The following TDRD3 variants were observed in gnomAD, a reference collection of about 807,000 sequenced individuals.
TDRD3 encodes tudor domain containing 3.
A neutral mutation model predicts 86.7 loss-of-function variants in TDRD3; 45 were observed. That is an observed-to-expected ratio of 0.52 (90% CI 0.41 to 0.67). The LOEUF is 0.67. Ranked by LOEUF, TDRD3 falls within the 30% of genes least tolerant of loss-of-function variation. TDRD3 has a pLI of 0.00. For missense variants in TDRD3, 814 were observed against 889.0 expected, an observed-to-expected ratio of 0.92 and a Z score of 1.07; for synonymous variants, 298 against 301.7, an observed-to-expected ratio of 0.99 and a Z score of 0.13.
chr13:60,557,369 G>A lies in TDRD3; in HGVS notation c.2119-10156G>A, dbSNP rs148282590. Among the ~76,000 whole-genome samples the A allele has an allele frequency of 2.3e-3, 352 of 152,304 alleles. 1 individual carries two copies. Among genetic ancestry groups the A allele is most frequent in the African/African-American group, 8.1e-3 (336 of 41,566 alleles). On this transcript the variant is annotated intron_variant, in intron 12 of 13. Transcript: ENST00000377881. ...ACCATTTGTGTGAAACGCCATGGAT[G>A]AATTTTGTGCTAAAGGGAAGATCAG...
Position 60,481,935 on chromosome 13 carries a change from C to T in TDRD3, c.496-1840C>T, listed in dbSNP as rs1401872646. 4.6e-5 allele frequency among the ~76,000 whole-genome samples: 7 copies of T among 152,292 alleles called. 1 individual carries two copies. The highest frequency in any genetic ancestry group is 1.9e-4 in the East Asian group (1 of 5,182). On this transcript the variant is annotated intron_variant, in intron 5 of 13. Coordinates refer to ENST00000377881, the MANE Select transcript of TDRD3 (RefSeq NM_001146070.2). ...GACCCCTTCAAGATGTGTATTCAAGCTTTGAAAGGAGTATCTAGCATAGCC... is the reference window on the plus strand; with the variant it reads ...GACCCCTTCAAGATGTGTATTCAAGTTTTGAAAGGAGTATCTAGCATAGCC...
At position 60,438,125 on chromosome 13, in the gene TDRD3, C is replaced by G. The variant is rs192540255; in HGVS notation, c.42-1563C>G. 2.1e-3 allele frequency among the ~76,000 whole-genome samples: 322 copies of G among 152,146 alleles called. 3 individuals are homozygous for G. Among genetic ancestry groups the G allele is most frequent in the African/African-American group, 7.3e-3 (304 of 41,518 alleles). ...TTTCATCATTTTACTAATCTTGTTACTGATTTCACACAATACTTTTCACAT... is the reference window on the plus strand; with the variant it reads ...TTTCATCATTTTACTAATCTTGTTAGTGATTTCACACAATACTTTTCACAT... On this transcript the variant is annotated intron_variant, in intron 1 of 13. Coordinates refer to ENST00000377881, the MANE Select transcript of TDRD3 (RefSeq NM_001146070.2).
intron 1 of TDRD3, among the ~76,000 whole-genome samples, chr13:60,424,303 G>T (rs914720689): frequency 5.7e-5 from 8 of 140,086 alleles, no homozygotes; most frequent in African/African-American, 2.3e-4. Flanking sequence ...TTACAGGCGT[G>T]AGCCACCGCC....
chr13:60,500,452 G>A (rs936616593), intron 8 of TDRD3, among the ~76,000 whole-genome samples: 3 of 152,152 alleles, frequency 2.0e-5, no homozygotes, highest in African/African-American at 7.2e-5. Flanking sequence ...GTTGACAGAG[G>A]AAGAGAAGAC....
chr13:60,536,274 TA>T (rs1957695865), intron 12 of TDRD3: 1 of 152,092 alleles, frequency 6.6e-6, no homozygotes, highest in Non-Finnish European at 1.5e-5. Flanking sequence ...CTAGAGAAAT[TA>T]TTTTCTAAAT....
intron 4 of TDRD3, 112 bp downstream of exon 4, chr13:60,460,652 G>C (rs952299884): frequency 3.2e-6 from 3 of 951,292 alleles, no homozygotes; most frequent in Non-Finnish European, 4.4e-6. Context: ...GTGTGTTACA[G>C]TTTTTCAGAT....
At chr13:60,419,457 A>G (rs1357071372) in intron 1 of TDRD3, among the ~76,000 whole-genome samples, 1 of 152,248 alleles carries the variant, frequency 6.6e-6, no homozygotes, top group African/African-American at 2.4e-5. Context: ...GCCATAAAAA[A>G]GAATGAGTTC....
intron 1 of TDRD3, among the ~76,000 whole-genome samples, chr13:60,431,937 C>T (rs1345067860): frequency 6.6e-6 from 1 of 151,756 alleles, no homozygotes; most frequent in East Asian, 1.9e-4. Context: ...ATATAAGCCA[C>T]AGAGAAAATT....
intron 1 of TDRD3, among the ~76,000 whole-genome samples, chr13:60,428,277 G>C (rs190189108): frequency 6.6e-6 from 1 of 151,148 alleles, no homozygotes; most frequent in Non-Finnish European, 1.5e-5. Context: ...AATTACTTCT[G>C]TAAAGACTGT....
At position 60,479,962 on chromosome 13, in the gene TDRD3, G is replaced by A. The variant is rs570028207; in HGVS notation, c.496-3813G>A. On this transcript the variant is annotated intron_variant, in intron 5 of 13. Transcript: ENST00000377881. Reference sequence around the variant, plus strand: ...TTGCTTCTTTATCCAACTTGCCATCGTATTCCTTTTAAGTGTGTCATTTAA... The same window carrying A: ...TTGCTTCTTTATCCAACTTGCCATCATATTCCTTTTAAGTGTGTCATTTAA... Among the ~76,000 whole-genome samples the A allele has an allele frequency of 5.3e-5, 8 of 152,226 alleles. No individual in the cohort carries two copies. The East Asian group carries it at 9.7e-4, about 18-fold the overall frequency.
intron 7 of TDRD3, among the ~76,000 whole-genome samples, chr13:60,493,415 A>G (rs1318007579): frequency 6.6e-6 from 1 of 152,050 alleles, no homozygotes; most frequent in Admixed American, 6.6e-5. Context: ...TAACTTCAGC[A>G]CTTTGGGAGG....
At chr13:60,413,247 A>G (rs1374280258) in intron 1 of TDRD3, among the ~76,000 whole-genome samples, 1 of 152,198 alleles carries the variant, frequency 6.6e-6, no homozygotes, top group Non-Finnish European at 1.5e-5. Flanking sequence ...TCATCACAAA[A>G]CTGAATTATT....
At chr13:60,573,312 A>G (rs947530659) in intron 13 of TDRD3, among the ~76,000 whole-genome samples, 1 of 152,212 alleles carries the variant, frequency 6.6e-6, no homozygotes, top group Admixed American at 6.5e-5. Context: ...CTCCGTTACA[A>G]ACAGTTCGGT....
At chr13:60,572,890 C>A (rs768334899) in intron 13 of TDRD3, among the ~76,000 whole-genome samples, 11 of 152,134 alleles carry the variant, frequency 7.2e-5, no homozygotes, top group Non-Finnish European at 1.3e-4. Flanking sequence ...TGTTACAGAA[C>A]TCCATGATGC....
At chr13:60,571,350 A>T (rs1455666648) in intron 13 of TDRD3, among the ~76,000 whole-genome samples, 2 of 152,204 alleles carry the variant, frequency 1.3e-5, no homozygotes, top group African/African-American at 2.4e-5. Context: ...GAGATAAAAG[A>T]TATTTGTTTC....
At chr13:60,451,144 G>A (rs74707381) in intron 3 of TDRD3, among the ~76,000 whole-genome samples, 1,598 of 152,232 alleles carry the variant, frequency 0.01, 38 homozygotes, top group African/African-American at 0.036. Flanking sequence ...CTCCCTGTGG[G>A]GGAATTTCCC....
intron 7 of TDRD3, among the ~76,000 whole-genome samples, chr13:60,492,785 ATACTG>A (rs1478180483): frequency 6.6e-6 from 1 of 152,140 alleles, no homozygotes; most frequent in Non-Finnish European, 1.5e-5. Flanking sequence ...TTAAATGTAA[ATACTG>A]TAGTTTATCA....
chr13:60,558,964 CTT>C (rs562728723), intron 12 of TDRD3, among the ~76,000 whole-genome samples: 18 of 131,524 alleles, frequency 1.4e-4, no homozygotes, highest in South Asian at 9.4e-4. Flanking sequence ...GACATTTTTG[CTT>C]TTTTTTTTTT....
intron 12 of TDRD3, among the ~76,000 whole-genome samples, chr13:60,540,137 C>A (rs9570312): frequency 1 from 151,767 of 152,262 alleles, 75,636 homozygotes; most frequent in Middle Eastern, 1. Context: ...CTTACTGGTT[C>A]AGGTCACTGA....
Sources: gnomAD v4.1 joint callset for allele counts (sites outside exome capture counted in the v4.1 genomes callset) on GRCh38, gnomAD v4.1.1 for gene constraint, MANE v1.5 for transcripts, NCBI Gene and HGNC (gene_info 2026-07-23, HGNC 2026-07-21) for gene names.